The following STARD13 variants were observed in gnomAD, a reference collection of about 807,000 sequenced individuals.
STARD13 encodes the protein stAR-related lipid transfer protein 13.
STARD13 carries 62 observed loss-of-function variants against 106.4 expected under a neutral mutation model. The observed-to-expected ratio is 0.58, with a 90% CI of 0.48 to 0.72. The LOEUF (loss-of-function observed/expected upper bound fraction) is 0.72. STARD13 is among the 30% of genes least tolerant of loss of function. The pLI, the probability that STARD13 is intolerant of heterozygous loss-of-function variation, is 0.00. For synonymous variants in STARD13, 565 were observed against 553.0 expected, an observed-to-expected ratio of 1.02 and a Z score of -0.31; for missense variants, 1,387 against 1,424.0, an observed-to-expected ratio of 0.97 and a Z score of 0.42.
intron 7 of STARD13, among the ~76,000 whole-genome samples, chr13:33,125,572 C>T (rs1877031039): frequency 6.6e-6 from 1 of 151,608 alleles, no homozygotes; most frequent in South Asian, 2.1e-4. Flanking sequence ...TACTTTTGTT[C>T]ATATTTTACT....
chr13:33,212,457 G>A (rs1358018063), intron 1 of STARD13, among the ~76,000 whole-genome samples: 1 of 152,160 alleles, frequency 6.6e-6, no homozygotes, highest in East Asian at 1.9e-4. Context: ...CAACCTTTCA[G>A]ATTTGGACAC....
intron 1 of STARD13, among the ~76,000 whole-genome samples, chr13:33,241,891 A>C (rs1402935894): frequency 6.6e-6 from 1 of 152,090 alleles, no homozygotes; most frequent in Non-Finnish European, 1.5e-5. Context: ...GGCTCACTAC[A>C]ACCTCCACCT....
At chr13:33,165,480 T>G in intron 2 of STARD13, 62 bp from the exon 3 acceptor site, 1 of 1,262,834 alleles carries the variant, frequency 7.9e-7, no homozygotes, top group Non-Finnish European at 1.2e-6. Flanking sequence ...ACCAACATAT[T>G]CAGACCTTCA....
At chr13:33,523,688 A>G in the STARD13 span, among the ~76,000 whole-genome samples, 1 of 152,118 alleles carries the variant, frequency 6.6e-6, no homozygotes, top group Non-Finnish European at 1.5e-5. Context: ...TTTTTTCCTC[A>G]TTAAAAATAT....
At chr13:33,635,233 C>T in the STARD13 span, among the ~76,000 whole-genome samples, 1 of 150,916 alleles carries the variant, frequency 6.6e-6, no homozygotes, top group Admixed American at 6.6e-5. Flanking sequence ...GAGCAGGGCA[C>T]TGACCATAGC....
chr13:33,447,360 G>A, the STARD13 span, among the ~76,000 whole-genome samples: 2 of 152,232 alleles, frequency 1.3e-5, no homozygotes, highest in Non-Finnish European at 2.9e-5. Flanking sequence ...AGACAGGGAT[G>A]TAGGCTTCCA....
chr13:33,558,535 A>G, the STARD13 span, among the ~76,000 whole-genome samples: 1 of 152,114 alleles, frequency 6.6e-6, no homozygotes, highest in Non-Finnish European at 1.5e-5. Context: ...GCCTATCTGT[A>G]CGGTAGAGAG....
intron 12 of STARD13, among the ~76,000 whole-genome samples, chr13:33,107,301 A>G (rs1468795063): frequency 6.6e-6 from 1 of 152,222 alleles, no homozygotes; most frequent in Non-Finnish European, 1.5e-5. Flanking sequence ...TTAAGCAGAT[A>G]GACATGCCAG....
chr13:33,580,286 G>A, the STARD13 span, among the ~76,000 whole-genome samples: 20 of 152,140 alleles, frequency 1.3e-4, no homozygotes, highest in Admixed American at 4.6e-4. Flanking sequence ...GTGAAAAAAA[G>A]GGGATCTGGA....
chr13:33,349,116 T>C (rs1477903169), exon 2 of STARD13: 1 of 702,312 alleles, frequency 1.4e-6, no homozygotes. Flanking sequence ...ATCTCCCGCT[T>C]CACCAGTGGT....
At chr13:33,329,769 T>C (rs966366085) in intron 1 of STARD13, among the ~76,000 whole-genome samples, 2 of 150,016 alleles carry the variant, frequency 1.3e-5, no homozygotes, top group African/African-American at 4.9e-5. Flanking sequence ...AATGATGCAA[T>C]CTCGGCTCAC....
chr13:33,414,430 G>T, the STARD13 span, among the ~76,000 whole-genome samples: 1 of 152,254 alleles, frequency 6.6e-6, no homozygotes, highest in African/African-American at 2.4e-5. Flanking sequence ...GCAAACTTTG[G>T]TGAGTCCACA....
chr13:33,191,096 A>T (rs1291722521), intron 1 of STARD13, among the ~76,000 whole-genome samples: 1 of 152,244 alleles, frequency 6.6e-6, no homozygotes, highest in East Asian at 1.9e-4. Flanking sequence ...GACATAAACA[A>T]TTACTAAAGT....
the STARD13 span, among the ~76,000 whole-genome samples, chr13:33,550,363 C>T: frequency 1.6e-4 from 24 of 152,314 alleles, no homozygotes; most frequent in Non-Finnish European, 2.6e-4. Context: ...TTTATGCATG[C>T]GTGCTGCATT....
At chr13:33,528,229 T>TATATATATATACACATATATATATATAC in the STARD13 span, among the ~76,000 whole-genome samples, 1 of 130,938 alleles carries the variant, frequency 7.6e-6, no homozygotes, top group African/African-American at 3.4e-5. Flanking sequence ...TGTGTGTGTA[T>TATATATATATACACATATATATATATAC]ATATATATAT....
downstream of STARD13, among the ~76,000 whole-genome samples, chr13:33,347,153 C>T (rs141059429): frequency 9.3e-4 from 142 of 152,348 alleles, 1 homozygote; most frequent in Admixed American, 3.1e-3. Flanking sequence ...TTATACACCA[C>T]GCAACGTTTC....
chr13:33,575,087 T>C, the STARD13 span, among the ~76,000 whole-genome samples: 1 of 151,962 alleles, frequency 6.6e-6, no homozygotes, highest in South Asian at 2.1e-4. Flanking sequence ...TGGCTAATTT[T>C]TGTATTTTTA....
At chr13:33,180,228 A>C (rs1373987636) in intron 1 of STARD13, among the ~76,000 whole-genome samples, 1 of 152,234 alleles carries the variant, frequency 6.6e-6, no homozygotes, top group Admixed American at 6.5e-5. Flanking sequence ...GAAATATGAC[A>C]CCTTAGGATA....
the STARD13 span, among the ~76,000 whole-genome samples, chr13:33,656,009 T>G: frequency 6.6e-6 from 1 of 152,168 alleles, no homozygotes; most frequent in African/African-American, 2.4e-5. Flanking sequence ...CCATGAGCCT[T>G]TGCACCTACT....
Sources: gnomAD v4.1 joint callset for allele counts (sites outside exome capture counted in the v4.1 genomes callset) on GRCh38, gnomAD v4.1.1 for gene constraint, MANE v1.5 for transcripts, NCBI Gene and HGNC (gene_info 2026-07-23, HGNC 2026-07-21) for gene names.